Variants in BACH2 observed in about 807,000 individuals in gnomAD.
BACH2 encodes BACH transcriptional regulator 2.
A neutral mutation model predicts 61.8 loss-of-function variants in BACH2; 5 were observed. The ratio of observed to expected loss-of-function variants is 0.08; its 90% CI spans 0.04 to 0.17. The LOEUF (loss-of-function observed/expected upper bound fraction) is 0.17. Ranked by LOEUF, BACH2 falls within the 10% of genes least tolerant of loss-of-function variation. The pLI is 1.00. For missense variants in BACH2, 824 were observed against 1,091.1 expected (o/e 0.76, Z 3.45); for synonymous variants, 446 against 440.1 (o/e 1.01, Z -0.17).
At chr6:90,277,420 A>G (rs1771728510) in intron 1 of BACH2, among the ~76,000 whole-genome samples, 2 of 152,220 alleles carry the variant, frequency 1.3e-5, no homozygotes, top group Non-Finnish European at 2.9e-5. Flanking sequence ...CCATTGATAT[A>G]AAGTTCAAAA....
chr6:90,100,031 T>A (rs532241753), intron 4 of BACH2, among the ~76,000 whole-genome samples: 2 of 152,296 alleles, frequency 1.3e-5, no homozygotes, highest in South Asian at 4.1e-4. Flanking sequence ...TCATCTATTA[T>A]GAGGCCTTTT....
chr6:90,265,540 T>C (rs566340697), intron 2 of BACH2, among the ~76,000 whole-genome samples: 2 of 152,186 alleles, frequency 1.3e-5, no homozygotes, highest in African/African-American at 2.4e-5. Context: ...AACATGGCTG[T>C]CTTAATTAGC....
chr6:90,168,408 A>G (rs1000941983), intron 4 of BACH2, among the ~76,000 whole-genome samples: 1 of 152,210 alleles, frequency 6.6e-6, no homozygotes, highest in African/African-American at 2.4e-5. Flanking sequence ...AATTCAAACA[A>G]TGGAAAACTA....
chr6:90,277,379 A>C (rs1451160533), intron 1 of BACH2, among the ~76,000 whole-genome samples: 1 of 152,238 alleles, frequency 6.6e-6, no homozygotes, highest in Non-Finnish European at 1.5e-5. Context: ...GAGTGAAAGA[A>C]GTTAGACACA....
At chr6:90,231,717 A>G (rs1347496181) in intron 3 of BACH2, among the ~76,000 whole-genome samples, 2 of 152,246 alleles carry the variant, frequency 1.3e-5, no homozygotes, top group Non-Finnish European at 2.9e-5. Flanking sequence ...GCCACTTGCT[A>G]TTATAGCCAA....
At chr6:90,004,614 C>T (rs552182083) in intron 6 of BACH2, among the ~76,000 whole-genome samples, 1 of 152,186 alleles carries the variant, frequency 6.6e-6, no homozygotes, top group Non-Finnish European at 1.5e-5. Flanking sequence ...TAAGGAAGCA[C>T]ATCCCCTCCC....
intron 4 of BACH2, among the ~76,000 whole-genome samples, chr6:90,147,575 A>G (rs1000179165): frequency 1.3e-5 from 2 of 152,170 alleles, no homozygotes; most frequent in African/African-American, 2.4e-5. Flanking sequence ...GTCTTCTTCT[A>G]AGGAGCATAT....
chr6:90,006,076 G>C (rs1046048618), intron 6 of BACH2, among the ~76,000 whole-genome samples: 2 of 152,172 alleles, frequency 1.3e-5, no homozygotes, highest in Non-Finnish European at 2.9e-5. Context: ...GATCTAAAAA[G>C]AAACTTTAAG....
intron 4 of BACH2, among the ~76,000 whole-genome samples, chr6:90,117,572 CCTT>C (rs1216413305): frequency 1.3e-5 from 2 of 151,800 alleles, no homozygotes; most frequent in African/African-American, 4.8e-5. Context: ...ACTGTAAGCT[CCTT>C]AAGGGCAAGA....
intron 5 of BACH2, among the ~76,000 whole-genome samples, chr6:90,009,807 GGCA>G (rs1759017274): frequency 1.3e-5 from 2 of 152,142 alleles, no homozygotes; most frequent in Non-Finnish European, 2.9e-5. Context: ...TGGGATTACA[GGCA>G]TGTGCCACCG....
At chr6:90,074,926 T>TA (rs1411480319) in intron 5 of BACH2, among the ~76,000 whole-genome samples, 1 of 152,130 alleles carries the variant, frequency 6.6e-6, no homozygotes, top group African/African-American at 2.4e-5. Flanking sequence ...CATGGGTAGG[T>TA]AAGCAGGAAC....
At chr6:90,165,638 C>T (rs1216330096) in intron 4 of BACH2, among the ~76,000 whole-genome samples, 1 of 152,130 alleles carries the variant, frequency 6.6e-6, no homozygotes, top group African/African-American at 2.4e-5. Flanking sequence ...GGAGGCATCA[C>T]ACTACCTGAC....
At chr6:90,216,145 G>T (rs553864887) in intron 3 of BACH2, among the ~76,000 whole-genome samples, 1 of 152,352 alleles carries the variant, frequency 6.6e-6, no homozygotes, top group African/African-American at 2.4e-5. Context: ...ACAGAAAGCA[G>T]TTCCAGCAGC....
intron 4 of BACH2, among the ~76,000 whole-genome samples, chr6:90,125,020 T>C (rs1317582966): frequency 2.0e-5 from 3 of 152,234 alleles, no homozygotes; most frequent in Non-Finnish European, 2.9e-5. Context: ...AAGCTTCTCA[T>C]ACATTTATCG....
chr6:90,103,594 C>A (rs1348163532), intron 4 of BACH2, among the ~76,000 whole-genome samples: 1 of 152,148 alleles, frequency 6.6e-6, no homozygotes, highest in African/African-American at 2.4e-5. Flanking sequence ...CCTTTACGCC[C>A]TAATAATTGA....
At chr6:90,173,927 G>A (rs773757441) in intron 4 of BACH2, among the ~76,000 whole-genome samples, 66 of 152,260 alleles carry the variant, frequency 4.3e-4, no homozygotes, top group Admixed American at 7.8e-4. Flanking sequence ...GGAGGCTGGG[G>A]GAAGAACTGC....
chr6:90,176,467 G>A (rs1767987031), intron 4 of BACH2, among the ~76,000 whole-genome samples: 1 of 152,154 alleles, frequency 6.6e-6, no homozygotes, highest in East Asian at 1.9e-4. Context: ...CCAGCTTAAG[G>A]TGCCTAACAG....
intron 5 of BACH2, among the ~76,000 whole-genome samples, chr6:90,034,449 C>A (rs1421279344): frequency 6.6e-6 from 1 of 152,106 alleles, no homozygotes; most frequent in Non-Finnish European, 1.5e-5. Context: ...CCACCTGAAA[C>A]TCCCAAGTAT....
intron 5 of BACH2, among the ~76,000 whole-genome samples, chr6:90,018,533 G>A (rs1217700755): frequency 6.6e-6 from 1 of 152,120 alleles, no homozygotes; most frequent in Non-Finnish European, 1.5e-5. Context: ...GTTGTTTTAG[G>A]AGAAAGGGTA....
Sources: gnomAD v4.1 joint callset for allele counts (sites outside exome capture counted in the v4.1 genomes callset) on GRCh38, gnomAD v4.1.1 for gene constraint, MANE v1.5 for transcripts, NCBI Gene and HGNC (gene_info 2026-07-23, HGNC 2026-07-21) for gene names.